Variants in OVCH1 observed in about 807,000 individuals in gnomAD.
OVCH1 encodes the protein ovochymase 1.
Under a neutral mutation model 138.4 loss-of-function variants are expected in OVCH1, and 139 were observed. The observed-to-expected ratio is 1.00, with a 90% CI of 0.87 to 1.16. The LOEUF is 1.16. Ranked by LOEUF, OVCH1 falls within the 50% of genes most tolerant of loss-of-function variation. OVCH1 has a pLI of 0.00. For missense variants in OVCH1, 1,367 were observed against 1,357.9 expected (o/e 1.01, Z -0.11); for synonymous variants, 453 against 467.8 (o/e 0.97, Z 0.41).
At chr12:29,435,274 G>A (rs963185735) in intron 26 of OVCH1, among the ~76,000 whole-genome samples, 2 of 151,998 alleles carry the variant, frequency 1.3e-5, no homozygotes, top group Admixed American at 1.3e-4. Flanking sequence ...AGGATTGCTT[G>A]AGCCCAGGAG....
At chr12:29,435,222 G>A (rs1485600871) in intron 26 of OVCH1, among the ~76,000 whole-genome samples, 1 of 152,128 alleles carries the variant, frequency 6.6e-6, no homozygotes, top group African/African-American at 2.4e-5. Context: ...CCAGACCCGT[G>A]GCGTGAGCCT....
At position 29,445,545 on chromosome 12, in the gene OVCH1, A is replaced by C. The variant is rs558094506; in HGVS notation, c.2756-142T>G. 277 of 860,544 alleles carry C rather than the reference A, an allele frequency of 3.2e-4. No individual in the cohort carries two copies. The African/African-American group carries it at 3.7e-3, about 11-fold the overall frequency. The allele number at this position is 860,544 out of a possible 1,614,324, so 53.3% of individuals were successfully genotyped here. ...AAATGATGAAACAGGACTCCAGAACATAAGTGACTCACTCAATGCCACAAA... is the reference window on the plus strand; with the variant it reads ...AAATGATGAAACAGGACTCCAGAACCTAAGTGACTCACTCAATGCCACAAA... On this transcript the variant is annotated intron_variant, in intron 22 of 27. Coordinates refer to ENST00000318184, the Ensembl canonical transcript of OVCH1.
chr12:29,477,013 T>C (rs755320401), intron 12 of OVCH1, 89 bp downstream of exon 12: 2 of 1,369,140 alleles, frequency 1.5e-6, no homozygotes, highest in Non-Finnish European at 1.9e-6. Flanking sequence ...CTAGTCATAA[T>C]GGCAATTTAA....
intron 8 of OVCH1, among the ~76,000 whole-genome samples, chr12:29,482,025 G>C (rs1034462697): frequency 6.6e-5 from 10 of 152,102 alleles, no homozygotes; most frequent in African/African-American, 2.4e-4. Flanking sequence ...TTGTGGTCTT[G>C]CCTGCCTACA....
chr12:29,475,297 A>T (rs1201300261), intron 13 of OVCH1, 108 bp from the exon 14 acceptor site: 1 of 918,430 alleles, frequency 1.1e-6, no homozygotes, highest in Non-Finnish European at 1.5e-6. Context: ...GTTTTCTCCA[A>T]CTTTGATTTG....
chr12:29,476,107 A>G, intron 13 of OVCH1, 99 bp downstream of exon 13: 1 of 941,118 alleles, frequency 1.1e-6, no homozygotes, highest in African/African-American at 1.6e-5. Flanking sequence ...AGAAATTCAC[A>G]TTCCCACTCT....
downstream of OVCH1, among the ~76,000 whole-genome samples, chr12:29,411,000 T>C (rs2135867015): frequency 6.6e-6 from 1 of 151,810 alleles, no homozygotes; most frequent in Non-Finnish European, 1.5e-5. Context: ...CTTGGAGGCT[T>C]AGTTTTTTTT....
chr12:29,405,543 G>T, the OVCH1 span, among the ~76,000 whole-genome samples: 15 of 152,266 alleles, frequency 9.9e-5, no homozygotes, highest in Admixed American at 6.5e-5. Flanking sequence ...AGACTCTTAG[G>T]GGTAAATCCC....
At chr12:29,478,343 G>C (rs1592097501) in intron 9 of OVCH1, among the ~76,000 whole-genome samples, 1 of 152,208 alleles carries the variant, frequency 6.6e-6, no homozygotes, top group Middle Eastern at 3.4e-3. Flanking sequence ...GTTATGAATG[G>C]TTTCTACTTT....
the OVCH1 span, among the ~76,000 whole-genome samples, chr12:29,405,018 C>G: frequency 2.7e-5 from 2 of 75,284 alleles, no homozygotes; most frequent in African/African-American, 1.5e-4. Flanking sequence ...CAACACTCCA[C>G]CTCAAAAAAA....
chr12:29,422,807 AAG>A (rs1248252230), downstream of OVCH1, among the ~76,000 whole-genome samples: 1 of 152,188 alleles, frequency 6.6e-6, no homozygotes, highest in African/African-American at 2.4e-5. Flanking sequence ...GAGATATGGT[AAG>A]AGAGACATGG....
chr12:29,487,601 T>G (rs1056900523), intron 7 of OVCH1, 92 bp downstream of exon 7: 2 of 1,256,242 alleles, frequency 1.6e-6, no homozygotes, highest in African/African-American at 3.0e-5. Context: ...TCATTCTTGC[T>G]TTGTTCTAAA....
intron 16 of OVCH1, among the ~76,000 whole-genome samples, chr12:29,469,068 G>A (rs562888429): frequency 6.6e-6 from 1 of 152,274 alleles, no homozygotes; most frequent in South Asian, 2.1e-4. Context: ...AGCTCTGAAA[G>A]AGCTCACAAT....
intron 21 of OVCH1, among the ~76,000 whole-genome samples, chr12:29,453,414 T>A (rs566680264): frequency 1.3e-5 from 2 of 152,202 alleles, no homozygotes; most frequent in South Asian, 4.2e-4. Flanking sequence ...GTTTCCCAGC[T>A]CCTCAATTTT....
intron 19 of OVCH1, among the ~76,000 whole-genome samples, chr12:29,459,832 A>G (rs528859573): frequency 2.0e-5 from 3 of 152,310 alleles, no homozygotes; most frequent in Non-Finnish European, 2.9e-5. Context: ...GCAAAGAATA[A>G]CAGGATACTA....
chr12:29,413,743 T>C (rs1206113809), intron 3 of OVCH1, among the ~76,000 whole-genome samples: 1 of 152,188 alleles, frequency 6.6e-6, no homozygotes, highest in Non-Finnish European at 1.5e-5. Flanking sequence ...TTACATACTT[T>C]AATGCTTCAG....
intron 8 of OVCH1, among the ~76,000 whole-genome samples, chr12:29,483,211 T>C (rs759722660): frequency 2.4e-4 from 37 of 152,116 alleles, no homozygotes; most frequent in Non-Finnish European, 4.0e-4. Context: ...AATTCTGGCT[T>C]ATCAATCTCC....
intron 12 of OVCH1, 134 bp from the exon 13 acceptor site, chr12:29,476,433 A>G: frequency 1.3e-6 from 1 of 744,618 alleles, no homozygotes; most frequent in East Asian, 2.5e-5. Context: ...AAATAATTGC[A>G]GTCTCTTTGA....
At chr12:29,405,021 C>CAAAAAAAAAA in the OVCH1 span, among the ~76,000 whole-genome samples, 36 of 80,422 alleles carry the variant, frequency 4.5e-4, 1 homozygote, top group South Asian at 9.1e-4. Flanking sequence ...CACTCCACCT[C>CAAAAAAAAAA]AAAAAAAAAA....
Sources: gnomAD v4.1 joint callset for allele counts (sites outside exome capture counted in the v4.1 genomes callset) on GRCh38, gnomAD v4.1.1 for gene constraint, MANE v1.5 for transcripts, NCBI Gene and HGNC (gene_info 2026-07-23, HGNC 2026-07-21) for gene names.